Variants in CRYBB2 observed in about 807,000 individuals in gnomAD.
The protein encoded by CRYBB2 is crystallin beta B2, also known as beta-crystallin B2.
In CRYBB2, 12 loss-of-function variants were observed where a neutral mutation model predicts 24.3. The ratio of observed to expected loss-of-function variants is 0.49; its 90% CI spans 0.32 to 0.80. The LOEUF (loss-of-function observed/expected upper bound fraction) is 0.80. CRYBB2 is among the 30% of genes least tolerant of loss of function. CRYBB2 has a pLI of 0.04. For missense variants in CRYBB2, 198 were observed against 268.5 expected, an observed-to-expected ratio of 0.74 and a Z score of 1.83; for synonymous variants, 98 against 101.6, an observed-to-expected ratio of 0.96 and a Z score of 0.21.
chr22:25,213,344 G>T (rs1005782869), intron 1 of CRYBB2: 8 of 152,144 alleles, frequency 5.3e-5, no homozygotes, highest in Non-Finnish European at 1.0e-4. Flanking sequence ...GCAAGAAGAT[G>T]AAGTGGAGAG....
intron 5 of CRYBB2, 95 bp downstream of exon 5, chr22:25,229,673 C>T: frequency 1.9e-6 from 3 of 1,552,488 alleles, no homozygotes; most frequent in Non-Finnish European, 2.6e-6. Context: ...GGTGATCTTG[C>T]ACACATCAGT....
chr22:25,227,127 T>TCGCCTC (rs1240326418), intron 3 of CRYBB2, among the ~76,000 whole-genome samples: 6 of 152,248 alleles, frequency 3.9e-5, no homozygotes, highest in African/African-American at 1.4e-4. Flanking sequence ...GCTGAAATGT[T>TCGCCTC]CGCCTCTGCA....
chr22:25,229,549 G>T lies in CRYBB2; in HGVS notation c.420G>T (p.Lys140Asn). The change falls in exon 5 of 6, where the codon AAG becomes AAT. Residue 140 changes from lysine to asparagine, a missense_variant. Lys to Asn is a moderately conservative substitution (Grantham distance 94). Coordinates refer to ENST00000398215, the MANE Select transcript of CRYBB2 (RefSeq NM_000496.3). ...PSFHAHGYQEKVSSVRVQSGT... is the reference protein window; with the variant it reads ...PSFHAHGYQENVSSVRVQSGT... ...TCCACGCCCATGGCTACCAGGAGAA[G>T]GTGTCATCTGTGCGGGTGCAGAGTG... is the stretch of plus-strand genomic sequence containing the variant. 3 of 1,614,262 alleles carry T rather than the reference G, an allele frequency of 1.9e-6. No individual in the cohort carries two copies. The highest frequency in any genetic ancestry group is 1.3e-5 in the African/African-American group (1 of 75,070).
intron 4 of CRYBB2, among the ~76,000 whole-genome samples, chr22:25,228,653 C>T (rs534069841): frequency 6.6e-6 from 1 of 152,352 alleles, no homozygotes; most frequent in East Asian, 1.9e-4. Context: ...CCCCACAGAC[C>T]TGGGTTCCCA....
upstream of CRYBB2, among the ~76,000 whole-genome samples, chr22:25,219,279 C>T (rs998027392): frequency 6.6e-6 from 1 of 152,306 alleles, no homozygotes; most frequent in South Asian, 2.1e-4. Flanking sequence ...CCAAACCACC[C>T]TTCTTTACTT....
chr22:25,222,090 C>T (rs1482151008), intron 2 of CRYBB2, among the ~76,000 whole-genome samples: 1 of 152,218 alleles, frequency 6.6e-6, no homozygotes, highest in African/African-American at 2.4e-5. Context: ...TTGTCACACC[C>T]AGTCTGCCCT....
chr22:25,218,788 AAG>A (rs1269675603), upstream of CRYBB2, among the ~76,000 whole-genome samples: 32 of 94,068 alleles, frequency 3.4e-4, no homozygotes, highest in African/African-American at 1.3e-3. Context: ...AGAAGAAAGA[AAG>A]AAAGAAAGAA....
intron 5 of CRYBB2, among the ~76,000 whole-genome samples, chr22:25,230,706 A>ATTCC (rs58155237): frequency 6.8e-6 from 1 of 148,088 alleles, no homozygotes; most frequent in African/African-American, 2.6e-5. Flanking sequence ...TCATTCATTC[A>ATTCC]ATCTGTCAGT....
upstream of CRYBB2, among the ~76,000 whole-genome samples, chr22:25,218,303 C>T (rs1935214183): frequency 6.6e-6 from 1 of 150,738 alleles, no homozygotes; most frequent in South Asian, 2.1e-4. Context: ...AGGCTGGGCA[C>T]CCATGTGGCA....
chr22:25,223,677 G>T (rs1405360512), intron 2 of CRYBB2, among the ~76,000 whole-genome samples: 1 of 152,120 alleles, frequency 6.6e-6, no homozygotes, highest in Non-Finnish European at 1.5e-5. Flanking sequence ...GCTAATCCCA[G>T]GCCTGGGAGA....
chr22:25,231,571 T>G lies in CRYBB2; in HGVS notation c.450-33T>G, dbSNP rs746319664. 24 of 1,609,532 alleles carry G rather than the reference T, an allele frequency of 1.5e-5. 1 individual carries two copies. The South Asian group carries it at 2.6e-4, about 18-fold the overall frequency. Reference sequence around the variant, plus strand: ...CTGTCTGCTTCTCTTCCTGTCCCCCTCGTTCACCCTCCCATCACCTCTGGC... The same window carrying G: ...CTGTCTGCTTCTCTTCCTGTCCCCCGCGTTCACCCTCCCATCACCTCTGGC... On this transcript the variant is annotated intron_variant, in intron 5 of 5. Coordinates refer to ENST00000398215, the MANE Select transcript of CRYBB2 (RefSeq NM_000496.3).
At chr22:25,221,319 C>T in intron 1 of CRYBB2, 85 bp from the exon 2 acceptor site, 2 of 829,916 alleles carry the variant, frequency 2.4e-6, no homozygotes, top group Non-Finnish European at 4.3e-6. Flanking sequence ...TGTTTGGGGC[C>T]AGAGGGGAGT....
In CRYBB2 at chr22:25,227,944, CGAA is replaced by C. The variant is rs1473776975; in HGVS notation, c.267_269del (p.Arg90del). 1 of 1,613,990 alleles carries C rather than the reference CGAA, an allele frequency of 6.2e-7. No homozygotes were observed. The highest frequency in any genetic ancestry group is 1.7e-5 in the Admixed American group (1 of 59,996). ...CCGCTGGGACTCATGGACCAGCAGCCGAAGGACGGACTCCCTCAGCTCCCTGAG... is the reference window on the plus strand; with the variant it reads ...CCGCTGGGACTCATGGACCAGCAGCCGGACGGACTCCCTCAGCTCCCTGAG... On this transcript the variant is annotated inframe_deletion, in exon 4 of 6. Transcript: ENST00000398215.
chr22:25,218,746 A>AGGG (rs1569016000), upstream of CRYBB2, among the ~76,000 whole-genome samples: 546 of 34,606 alleles, frequency 0.016, 74 homozygotes, highest in African/African-American at 0.071. Flanking sequence ...GGAGAGAGAG[A>AGGG]GAGAGAGAGA....
chr22:25,215,784 ACTTAAGCTCTAT>A (rs2146081644), upstream of CRYBB2, among the ~76,000 whole-genome samples: 1 of 152,352 alleles, frequency 6.6e-6, no homozygotes, highest in South Asian at 2.1e-4. Flanking sequence ...CGAACAAGTT[ACTTAAGCTCTAT>A]GAGCCTTAGC....
chr22:25,221,286 C>CT (rs1465251682), intron 1 of CRYBB2, 118 bp from the exon 2 acceptor site: 1 of 723,620 alleles, frequency 1.4e-6, no homozygotes, highest in Non-Finnish European at 2.5e-6. Context: ...CTGGGACAGT[C>CT]TGAAACCAGG....
chr22:25,230,811 C>T (rs943119915), intron 5 of CRYBB2, among the ~76,000 whole-genome samples: 1 of 149,536 alleles, frequency 6.7e-6, no homozygotes, highest in East Asian at 1.9e-4. Context: ...CTAGAAGGGG[C>T]AACTGTAAAT....
At chr22:25,218,728 GAGAGA>G (rs1569015899), upstream of CRYBB2, among the ~76,000 whole-genome samples, 39 of 78,968 alleles carry the variant, frequency 4.9e-4, 4 homozygotes, top group East Asian at 9.7e-3. Context: ...GAGAGAGAGA[GAGAGA>G]GGGGAGAGAG....
chr22:25,230,503 A>AT (rs1180360561), intron 5 of CRYBB2, among the ~76,000 whole-genome samples: 7 of 151,986 alleles, frequency 4.6e-5, no homozygotes, highest in African/African-American at 1.7e-4. Flanking sequence ...TGGTTGACTA[A>AT]TCATTGGTAG....
Sources: gnomAD v4.1 joint callset for allele counts (sites outside exome capture counted in the v4.1 genomes callset) on GRCh38, gnomAD v4.1.1 for gene constraint, MANE v1.5 for transcripts, NCBI Gene and HGNC (gene_info 2026-07-23, HGNC 2026-07-21) for gene names.